The following LBH variants were observed in gnomAD, a reference collection of about 807,000 sequenced individuals.
The protein encoded by LBH is LBH regulator of Wnt signaling pathway, also known as protein LBH.
A neutral mutation model predicts 12.5 loss-of-function variants in LBH; 7 were observed. That is an observed-to-expected ratio of 0.56 (90% CI 0.32 to 1.05). The LOEUF (loss-of-function observed/expected upper bound fraction) is 1.05. LBH is among the 50% of genes least tolerant of loss of function. The pLI is 0.04. For missense variants in LBH, 119 were observed against 138.9 expected (o/e 0.86, Z 0.72); for synonymous variants, 51 against 50.1 (o/e 1.02, Z -0.08).
At chr2:30,252,834 G>A (rs1310499071) in intron 2 of LBH, among the ~76,000 whole-genome samples, 1 of 152,232 alleles carries the variant, frequency 6.6e-6, no homozygotes, top group Admixed American at 6.5e-5. Flanking sequence ...GAGGGAGGAA[G>A]GTGTAGGGCT....
At chr2:30,232,143 CTCTTTT>C (rs1335213274) in intron 1 of LBH, 3 of 1,545,918 alleles carry the variant, frequency 1.9e-6, no homozygotes, top group Admixed American at 2.0e-5. Context: ...CGGGCCCCTC[CTCTTTT>C]TCTTTTTGTT....
chr2:30,249,467 G>C (rs1053762140), intron 2 of LBH, among the ~76,000 whole-genome samples: 1 of 152,196 alleles, frequency 6.6e-6, no homozygotes, highest in Non-Finnish European at 1.5e-5. Context: ...AAATCCAGAC[G>C]TTGGGAAGCT....
chr2:30,256,167 G>A (rs764905051), intron 2 of LBH, among the ~76,000 whole-genome samples: 1 of 152,214 alleles, frequency 6.6e-6, no homozygotes, highest in East Asian at 1.9e-4. Context: ...TAGTCACAGG[G>A]CAGTGTATGC....
At chr2:30,237,243 G>A (rs1446866616) in intron 2 of LBH, among the ~76,000 whole-genome samples, 1 of 152,198 alleles carries the variant, frequency 6.6e-6, no homozygotes, top group Non-Finnish European at 1.5e-5. Flanking sequence ...TCCAGACTTG[G>A]CAGATGAAAT....
At chr2:30,243,991 A>G (rs1390612531) in intron 2 of LBH, among the ~76,000 whole-genome samples, 2 of 152,192 alleles carry the variant, frequency 1.3e-5, no homozygotes, top group East Asian at 1.9e-4. Flanking sequence ...ATGGTTTACA[A>G]AGTTCATTTA....
At chr2:30,252,344 A>G (rs1677994891) in intron 2 of LBH, among the ~76,000 whole-genome samples, 2 of 152,186 alleles carry the variant, frequency 1.3e-5, no homozygotes, top group Non-Finnish European at 2.9e-5. Context: ...CTTCCTAGCC[A>G]TGTGGAACCG....
chr2:30,243,935 C>T (rs1677830612), intron 2 of LBH, among the ~76,000 whole-genome samples: 2 of 152,162 alleles, frequency 1.3e-5, no homozygotes, highest in African/African-American at 4.8e-5. Flanking sequence ...CTTTGCAACA[C>T]GTAGACAGCC....
At chr2:30,250,337 G>C (rs964767260) in intron 2 of LBH, among the ~76,000 whole-genome samples, 1 of 151,926 alleles carries the variant, frequency 6.6e-6, no homozygotes, top group Admixed American at 6.6e-5. Context: ...AGATGTCCAG[G>C]CTCCTGAGGT....
At chr2:30,237,349 G>A (rs191506767) in intron 2 of LBH, among the ~76,000 whole-genome samples, 9 of 152,316 alleles carry the variant, frequency 5.9e-5, no homozygotes, top group South Asian at 2.1e-4. Context: ...CAGATCTATC[G>A]AGAGTGAAGC....
chr2:30,248,255 A>C (rs1677910882), intron 2 of LBH, among the ~76,000 whole-genome samples: 1 of 152,156 alleles, frequency 6.6e-6, no homozygotes. Context: ...TGCGTGGGGC[A>C]AAAAAATTTT....
chr2:30,242,697 T>C (rs936880672), intron 2 of LBH, among the ~76,000 whole-genome samples: 1 of 152,258 alleles, frequency 6.6e-6, no homozygotes, highest in African/African-American at 2.4e-5. Context: ...ATACTGTACA[T>C]GCTGTAGTGA....
At chr2:30,252,899 G>A (rs1678010325) in intron 2 of LBH, among the ~76,000 whole-genome samples, 1 of 152,236 alleles carries the variant, frequency 6.6e-6, no homozygotes, top group South Asian at 2.1e-4. Context: ...CCTGGGCTGA[G>A]GGTGAGAAAT....
chr2:30,239,569 A>G (rs1677750313), intron 2 of LBH, among the ~76,000 whole-genome samples: 1 of 152,226 alleles, frequency 6.6e-6, no homozygotes, highest in Admixed American at 6.5e-5. Context: ...ACATAGAGCT[A>G]AAAATTCCAG....
At chr2:30,244,059 G>C (rs138309055) in intron 2 of LBH, among the ~76,000 whole-genome samples, 1 of 152,294 alleles carries the variant, frequency 6.6e-6, no homozygotes, top group Non-Finnish European at 1.5e-5. Context: ...TGTAGTGGTA[G>C]ATTTTTAAAC....
chr2:30,243,734 G>C (rs2103559228), intron 2 of LBH, among the ~76,000 whole-genome samples: 1 of 152,046 alleles, frequency 6.6e-6, no homozygotes, highest in South Asian at 2.1e-4. Context: ...TCTCCATGTT[G>C]GCCAGGCTGT....
At chr2:30,232,985 G>T (rs1677619966) in intron 1 of LBH, 1 of 152,234 alleles carries the variant, frequency 6.6e-6, no homozygotes, top group African/African-American at 2.4e-5. Flanking sequence ...AACAGTTCAA[G>T]TTCCCCCACC....
At chr2:30,242,293 G>T (rs1677803852) in intron 2 of LBH, among the ~76,000 whole-genome samples, 1 of 152,028 alleles carries the variant, frequency 6.6e-6, no homozygotes, top group African/African-American at 2.4e-5. Flanking sequence ...GCCCAGGCTG[G>T]AGTACAGTGG....
intron 1 of LBH, among the ~76,000 whole-genome samples, chr2:30,234,113 A>G (rs1235619582): frequency 6.6e-6 from 1 of 152,212 alleles, no homozygotes; most frequent in Non-Finnish European, 1.5e-5. Context: ...TCATTTAAAG[A>G]AACATTCAGG....
chr2:30,239,811 C>G (rs971762649), intron 2 of LBH, among the ~76,000 whole-genome samples: 1 of 152,178 alleles, frequency 6.6e-6, no homozygotes, highest in Non-Finnish European at 1.5e-5. Flanking sequence ...TCATTGTTCA[C>G]CTTGTTCAGA....
Sources: gnomAD v4.1 joint callset for allele counts (sites outside exome capture counted in the v4.1 genomes callset) on GRCh38, gnomAD v4.1.1 for gene constraint, MANE v1.5 for transcripts, NCBI Gene and HGNC (gene_info 2026-07-23, HGNC 2026-07-21) for gene names.